Variants in BIRC6 observed in about 807,000 individuals in gnomAD.
BIRC6 encodes dual E2 ubiquitin-conjugating enzyme/E3 ubiquitin-protein ligase BIRC6.
Under a neutral mutation model 503.3 loss-of-function variants are expected in BIRC6, and 98 were observed. The observed-to-expected ratio is 0.19, with a 90% confidence interval of 0.17 to 0.23. The LOEUF is 0.23. BIRC6 is among the 10% of genes least tolerant of loss of function. The probability of loss-of-function intolerance (pLI) is 1.00; values close to 1 mark genes in which losing one functional copy is unlikely to be tolerated. For missense variants in BIRC6, 5,360 were observed against 5,806.0 expected (o/e 0.92, Z 2.50); for synonymous variants, 2,240 against 2,078.7 (o/e 1.08, Z -2.11).
chr2:32,447,388 C>T (rs2046127468), intron 21 of BIRC6, among the ~76,000 whole-genome samples: 1 of 150,380 alleles, frequency 6.6e-6, no homozygotes. Flanking sequence ...GGGGCTGATC[C>T]CCCCACCTCC....
In BIRC6 at chr2:32,512,959, G is replaced by A. The variant is rs1479768700; in HGVS notation, c.10373G>A (p.Ser3458Asn). 6.2e-7 allele frequency: 1 copy of A among 1,613,832 alleles called. No homozygotes were observed. The highest frequency in any genetic ancestry group is 8.5e-7 in the Non-Finnish European group (1 of 1,179,866). Residue 3458 changes from serine (S) to asparagine (N), a missense_variant, in exon 54 of 74, where the codon AGT (serine) becomes AAT (asparagine). Physicochemically the swap from Ser to Asn is conservative, Grantham distance 46. Around this residue, in one of 16 missense-constraint regions of BIRC6, gnomAD observed 878 missense variants for 928.9 expected, o/e 0.95. Coordinates refer to ENST00000421745, the MANE Select transcript of BIRC6 (RefSeq NM_016252.4). ...DRIQALLKWV[S>N]DSARVAAMKR... Reference sequence around the variant, plus strand: ...ATTCAGGCCTTGTTAAAATGGGTTAGTGATTCTGCAAGAGTGGCTGCTATG... The same window carrying A: ...ATTCAGGCCTTGTTAAAATGGGTTAATGATTCTGCAAGAGTGGCTGCTATG...
At chr2:32,536,050 T>C (rs2057208509) in intron 61 of BIRC6, among the ~76,000 whole-genome samples, 1 of 152,248 alleles carries the variant, frequency 6.6e-6, no homozygotes, top group Non-Finnish European at 1.5e-5. Flanking sequence ...ATTTCTCTGA[T>C]GGCCAGTGAT....
rs374613086 is a variant in BIRC6 at position 32,525,521 on chromosome 2, G to A, written c.11813G>A (p.Arg3938Lys). The A allele has an allele frequency of 1.9e-6, 3 of 1,613,862 alleles. No individual in the cohort carries two copies. Among genetic ancestry groups the A allele is most frequent in the African/African-American group, 2.7e-5 (2 of 74,942 alleles). The change falls in exon 59 of 74, where the codon AGG becomes AAG. Residue 3938 changes from arginine to lysine, a missense_variant. Transcript: ENST00000421745. ...VSATPPRPPS[R>K]RGRTIPDKIG... is the part of the protein sequence containing the mutation. ...GCTACACCACCTCGCCCACCATCCAGGAGGGGGAGGACAATACCTGATAAA... is the reference window on the plus strand; with the variant it reads ...GCTACACCACCTCGCCCACCATCCAAGAGGGGGAGGACAATACCTGATAAA...
intron 3 of BIRC6, among the ~76,000 whole-genome samples, chr2:32,387,273 A>G (rs966968372): frequency 6.6e-6 from 1 of 150,730 alleles, no homozygotes; most frequent in African/African-American, 2.4e-5. Context: ...GAACAGATTA[A>G]TTAGGTCTAG....
intron 33 of BIRC6, 99 bp downstream of exon 33, chr2:32,473,338 A>T (rs1308673456): frequency 2.0e-6 from 2 of 980,582 alleles, no homozygotes; most frequent in Non-Finnish European, 2.9e-6. Flanking sequence ...ATAACATTTA[A>T]TGGGCTCTTA....
intron 22 of BIRC6, among the ~76,000 whole-genome samples, chr2:32,450,914 C>T (rs527367862): frequency 8.5e-5 from 13 of 152,258 alleles, no homozygotes; most frequent in African/African-American, 3.1e-4. Flanking sequence ...AAGGCTGTAA[C>T]AGACTCAGCC....
intron 65 of BIRC6, among the ~76,000 whole-genome samples, chr2:32,562,052 A>G (rs1047548867): frequency 1.3e-5 from 2 of 152,122 alleles, no homozygotes; most frequent in Non-Finnish European, 2.9e-5. Context: ...AAAAAAAAAT[A>G]AAATTATTAT....
At position 32,460,245 on chromosome 2, in the gene BIRC6, G is replaced by T. The variant is rs1048642949; in HGVS notation, c.4754-2949G>T. ...ATCTCATATGATATATCTCGTATAT[G>T]ATATATATATATATATATATATATA... On this transcript the variant is annotated intron_variant, in intron 23 of 73. Transcript: ENST00000421745. Among the ~76,000 whole-genome samples the T allele has an allele frequency of 4.6e-3, 141 of 30,988 alleles. 1 individual carries two copies. The highest frequency in any genetic ancestry group is 7.6e-3 in the African/African-American group (61 of 8,048). 20.3% of individuals were successfully genotyped at this position (30,988 alleles called of 152,430 possible). A position where few individuals can be genotyped will look rare whatever the true frequency, so the allele number is the denominator to read the frequency against.
intron 26 of BIRC6, among the ~76,000 whole-genome samples, chr2:32,465,937 A>G (rs970953404): frequency 6.6e-6 from 1 of 152,194 alleles, no homozygotes; most frequent in Non-Finnish European, 1.5e-5. Context: ...ATTCATTGGT[A>G]ACAACATTAG....
intron 20 of BIRC6, among the ~76,000 whole-genome samples, chr2:32,445,057 T>C (rs894878195): frequency 2.6e-5 from 4 of 152,238 alleles, no homozygotes; most frequent in African/African-American, 9.6e-5. Flanking sequence ...AGAATAATTT[T>C]ATTCCCCATT....
chr2:32,432,322 A>T (rs936704092), intron 12 of BIRC6, among the ~76,000 whole-genome samples: 1 of 152,154 alleles, frequency 6.6e-6, no homozygotes, highest in African/African-American at 2.4e-5. Context: ...AGGCTGAGGC[A>T]GAGAATTGCT....
At position 32,591,104 on chromosome 2, in the gene BIRC6, G is replaced by C. The variant is rs559394162; in HGVS notation, c.13356-2811G>C. The C allele has an allele frequency of 6.6e-6, 3 of 457,806 alleles. No homozygotes were observed. The East Asian group carries it at 4.7e-4, about 71-fold the overall frequency. The allele number at this position is 457,806 out of a possible 1,614,324, so 28.4% of individuals were successfully genotyped here. On this transcript the variant is annotated intron_variant, in intron 66 of 73. Coordinates refer to ENST00000421745, the MANE Select transcript of BIRC6 (RefSeq NM_016252.4). ...GACTAGTTAGAATCATTGATAGGCA[G>C]GTAGTGTGTGTTCTTCATATATTCA...
intron 53 of BIRC6, among the ~76,000 whole-genome samples, 172 bp from the exon 54 acceptor site, chr2:32,512,761 C>T (rs2054574537): frequency 6.6e-6 from 1 of 152,014 alleles, no homozygotes; most frequent in African/African-American, 2.4e-5. Context: ...ACTAGTATGT[C>T]TTTGTTGCCG....
intron 65 of BIRC6, chr2:32,557,197 TA>T (rs1163536697): frequency 6.6e-6 from 1 of 152,216 alleles, no homozygotes; most frequent in African/African-American, 2.4e-5. Flanking sequence ...AGACAGTTTT[TA>T]AAATATTCAG....
intron 51 of BIRC6, among the ~76,000 whole-genome samples, chr2:32,508,481 C>T (rs2054043268): frequency 6.6e-6 from 1 of 151,604 alleles, no homozygotes; most frequent in South Asian, 2.1e-4. Flanking sequence ...TATGTTTAGT[C>T]TTTGAGATGA....
At chr2:32,422,046 T>C (rs1490155706) in intron 10 of BIRC6, among the ~76,000 whole-genome samples, 1 of 152,012 alleles carries the variant, frequency 6.6e-6, no homozygotes, top group East Asian at 1.9e-4. Context: ...GTATTGGTTC[T>C]TTTGTCATTA....
At chr2:32,404,228 C>T (rs556475383) in intron 8 of BIRC6, among the ~76,000 whole-genome samples, 4 of 152,064 alleles carry the variant, frequency 2.6e-5, no homozygotes, top group South Asian at 2.1e-4. Flanking sequence ...CACGCCCAGC[C>T]GCATGTGATT....
At chr2:32,495,728 C>G (rs1463012741) in intron 45 of BIRC6, among the ~76,000 whole-genome samples, 1 of 146,054 alleles carries the variant, frequency 6.8e-6, no homozygotes, top group Non-Finnish European at 1.5e-5. Context: ...ATGTTTTCTT[C>G]TAGAAATTTT....
At chr2:32,608,571 C>T (rs777662909) in intron 72 of BIRC6, among the ~76,000 whole-genome samples, 3 of 147,030 alleles carry the variant, frequency 2.0e-5, no homozygotes, top group Non-Finnish European at 4.4e-5. Context: ...TGTGGCACCA[C>T]GCCTGGCTAA....
Sources: gnomAD v4.1 joint callset for allele counts (sites outside exome capture counted in the v4.1 genomes callset) on GRCh38, gnomAD v4.1.1 for gene constraint, gnomAD v4.1.1 regional missense constraint, MANE v1.5 for transcripts, NCBI Gene and HGNC (gene_info 2026-07-23, HGNC 2026-07-21) for gene names.